The following EPHA6 variants were observed in gnomAD, a reference collection of about 807,000 sequenced individuals.
EPHA6 encodes ephrin type-A receptor 6.
A neutral mutation model predicts 112.0 loss-of-function variants in EPHA6; 50 were observed. That is an observed-to-expected ratio of 0.45 (90% CI 0.36 to 0.56). EPHA6 has a LOEUF of 0.56. EPHA6 is among the 20% of genes least tolerant of loss of function. The pLI is 0.00. For synonymous variants in EPHA6, 529 were observed against 490.7 expected, an observed-to-expected ratio of 1.08 and a Z score of -1.03; for missense variants, 1,280 against 1,417.4, an observed-to-expected ratio of 0.90 and a Z score of 1.56.
At chr3:97,675,321 A>G (rs2031261772) in intron 14 of EPHA6, among the ~76,000 whole-genome samples, 1 of 152,026 alleles carries the variant, frequency 6.6e-6, no homozygotes, top group Non-Finnish European at 1.5e-5. Flanking sequence ...TCTACTAAAA[A>G]TACAAAAAAT....
chr3:97,651,018 T>C (rs916945658), intron 14 of EPHA6, among the ~76,000 whole-genome samples: 1 of 152,092 alleles, frequency 6.6e-6, no homozygotes, highest in African/African-American at 2.4e-5. Flanking sequence ...TGTCCTAAGA[T>C]AACATTTGCT....
At position 97,035,490 on chromosome 3, in the gene EPHA6, C is replaced by T. The variant is rs190763676; in HGVS notation, c.1114+47497C>T. On this transcript the variant is annotated intron_variant, in intron 3 of 17. Transcript: ENST00000389672. ...AACTATATTTTGAAACAGTGATATG[C>T]TCCTTCTAGTATTGTAAGTATTGCT... Among the ~76,000 whole-genome samples, 182 of 151,940 alleles carry T rather than the reference C, an allele frequency of 1.2e-3. 1 individual carries two copies. The highest frequency in any genetic ancestry group is 4.2e-3 in the African/African-American group (173 of 41,470).
intron 3 of EPHA6, among the ~76,000 whole-genome samples, chr3:97,091,915 G>A (rs2108231731): frequency 6.6e-6 from 1 of 151,842 alleles, no homozygotes; most frequent in South Asian, 2.1e-4. Context: ...TAGTGTTGTA[G>A]TATCTGGCCT....
chr3:96,885,721 A>T (rs1379168968), intron 2 of EPHA6, among the ~76,000 whole-genome samples: 1 of 151,368 alleles, frequency 6.6e-6, no homozygotes, highest in Non-Finnish European at 1.5e-5. Context: ...TTTCAATTTC[A>T]TTTAGTTTTG....
chr3:96,957,774 A>G lies in EPHA6; in HGVS notation c.451-29556A>G, dbSNP rs376231366. The stretch of plus-strand genomic sequence containing the variant: ...CCACATGTATTGAAAACATGTTGTT[A>G]TATGTTTGTTTTTACTTATTTGGCA... On this transcript the variant is annotated intron_variant, in intron 2 of 17. Transcript: ENST00000389672. 2.0e-5 allele frequency among the ~76,000 whole-genome samples: 3 copies of G among 152,280 alleles called. No individual in the cohort carries two copies. The South Asian group carries it at 6.2e-4, about 32-fold the overall frequency.
At chr3:97,461,771 G>A (rs2090896581) in intron 7 of EPHA6, among the ~76,000 whole-genome samples, 3 of 152,142 alleles carry the variant, frequency 2.0e-5, no homozygotes, top group South Asian at 2.1e-4. Flanking sequence ...AAAAGGAGGA[G>A]TGGAATTCCC....
rs779013357 is a variant in EPHA6 at position 97,684,961 on chromosome 3, C to T, written c.2785-35300C>T. Among the ~76,000 whole-genome samples, 9 of 152,204 alleles carry T rather than the reference C, an allele frequency of 5.9e-5. No homozygotes were observed. The East Asian group carries it at 9.7e-4, about 16-fold the overall frequency. On this transcript the variant is annotated intron_variant, in intron 14 of 17. Transcript: ENST00000389672. Reference sequence around the variant, plus strand: ...GTTGTCACCTTTAACGGGTATTGCACGAAACTAGGTGTTGTATGAAATGGA... The same window carrying T: ...GTTGTCACCTTTAACGGGTATTGCATGAAACTAGGTGTTGTATGAAATGGA...
At chr3:97,239,168 T>A (rs2078768451) in intron 4 of EPHA6, among the ~76,000 whole-genome samples, 3 of 151,878 alleles carry the variant, frequency 2.0e-5, no homozygotes, top group South Asian at 2.1e-4. Flanking sequence ...GAATTTTGAG[T>A]AATATTTACT....
chr3:97,467,149 TTTC>T (rs1292914327), intron 7 of EPHA6, among the ~76,000 whole-genome samples: 1 of 151,812 alleles, frequency 6.6e-6, no homozygotes, highest in Non-Finnish European at 1.5e-5. Flanking sequence ...ACACTTCAGT[TTTC>T]TTCATCTCCC....
At chr3:97,042,802 A>G (rs1464397237) in intron 3 of EPHA6, among the ~76,000 whole-genome samples, 1 of 152,148 alleles carries the variant, frequency 6.6e-6, no homozygotes, top group Non-Finnish European at 1.5e-5. Context: ...AAGATCAGAC[A>G]TACTGCCCCA....
intron 6 of EPHA6, among the ~76,000 whole-genome samples, chr3:97,408,671 T>G (rs1415933284): frequency 2.0e-5 from 3 of 152,040 alleles, no homozygotes; most frequent in Admixed American, 6.6e-5. Context: ...GTTTTCTCAC[T>G]GTGTCCTCAC....
chr3:97,065,737 TGA>T (rs2046156900), intron 3 of EPHA6, among the ~76,000 whole-genome samples: 1 of 152,116 alleles, frequency 6.6e-6, no homozygotes, highest in African/African-American at 2.4e-5. Context: ...ATGTCATACA[TGA>T]GCCAACATGT....
chr3:97,366,244 C>A (rs1424436428), intron 5 of EPHA6, among the ~76,000 whole-genome samples: 1 of 152,098 alleles, frequency 6.6e-6, no homozygotes, highest in Admixed American at 6.5e-5. Context: ...GTATTCTGTG[C>A]AGTTTTACTT....
intron 3 of EPHA6, among the ~76,000 whole-genome samples, chr3:97,123,844 A>G (rs1440307421): frequency 6.6e-6 from 1 of 152,060 alleles, no homozygotes. Context: ...GCTCCAAATC[A>G]GGGCTTCCTG....
At chr3:97,155,063 GT>G (rs1284622409) in intron 3 of EPHA6, among the ~76,000 whole-genome samples, 1 of 151,818 alleles carries the variant, frequency 6.6e-6, no homozygotes, top group South Asian at 2.1e-4. Context: ...ATTATGTGGG[GT>G]TTTTTTGCAA....
chr3:97,158,521 T>C (rs952745787), intron 3 of EPHA6, among the ~76,000 whole-genome samples: 1 of 152,170 alleles, frequency 6.6e-6, no homozygotes. Context: ...AAGTTAAGGA[T>C]GGGCACCAGG....
At chr3:97,075,409 G>A (rs1559711366) in intron 3 of EPHA6, among the ~76,000 whole-genome samples, 1 of 151,852 alleles carries the variant, frequency 6.6e-6, no homozygotes, top group Admixed American at 6.6e-5. Context: ...AATTTGATTT[G>A]TTCTGGGGCG....
rs114843962 is a variant in EPHA6, at chr3:97,748,046, C to T, written c.3278+474C>T. On this transcript the variant is annotated intron_variant, in intron 17 of 17. Transcript: ENST00000389672. ...AAATATTTAACATGTGCTTAAAAGA[C>T]TAAATGGTTAGTTTGAATCATATTA... is the stretch of plus-strand genomic sequence containing the variant. 3.9e-3 allele frequency among the ~76,000 whole-genome samples: 590 copies of T among 152,056 alleles called. 4 individuals are homozygous for T. Among genetic ancestry groups the T allele is most frequent in the African/African-American group, 0.014 (571 of 41,514 alleles).
At chr3:96,948,389 G>C (rs995783536) in intron 2 of EPHA6, among the ~76,000 whole-genome samples, 10 of 152,106 alleles carry the variant, frequency 6.6e-5, no homozygotes, top group African/African-American at 9.7e-5. Context: ...AATTTTGGCT[G>C]TTTTGAAACT....
Sources: gnomAD v4.1 joint callset for allele counts (sites outside exome capture counted in the v4.1 genomes callset) on GRCh38, gnomAD v4.1.1 for gene constraint, MANE v1.5 for transcripts, NCBI Gene and HGNC (gene_info 2026-07-23, HGNC 2026-07-21) for gene names.